Variants in TMPRSS15 observed in about 807,000 individuals in gnomAD.
The protein encoded by TMPRSS15 is enteropeptidase.
TMPRSS15 carries 128 observed loss-of-function variants against 125.3 expected under a neutral mutation model. The observed-to-expected ratio is 1.02, with a 90% CI of 0.89 to 1.18. The LOEUF (loss-of-function observed/expected upper bound fraction) is 1.18. TMPRSS15 is among the 50% of genes most tolerant of loss of function. The pLI is 0.00. For missense variants in TMPRSS15, 1,283 were observed against 1,212.7 expected (o/e 1.06, Z -0.86); for synonymous variants, 446 against 423.2 (o/e 1.05, Z -0.66).
At chr21:18,331,196 G>T (rs763078342) in intron 14 of TMPRSS15, among the ~76,000 whole-genome samples, 2 of 151,962 alleles carry the variant, frequency 1.3e-5, no homozygotes, top group Non-Finnish European at 2.9e-5. Context: ...TACAATATTG[G>T]CCCTATATGC....
chr21:18,291,643 T>G (rs1161368384), intron 21 of TMPRSS15, among the ~76,000 whole-genome samples: 1 of 152,160 alleles, frequency 6.6e-6, no homozygotes, highest in Non-Finnish European at 1.5e-5. Context: ...TAAGAGCCAG[T>G]ATTAACATAC....
intron 10 of TMPRSS15, among the ~76,000 whole-genome samples, chr21:18,344,269 G>C (rs911608615): frequency 1.3e-5 from 2 of 152,012 alleles, no homozygotes; most frequent in Admixed American, 6.6e-5. Context: ...TTAACACTGG[G>C]CCTCCCACTT....
chr21:18,277,557 G>A (rs2146861277), intron 23 of TMPRSS15, among the ~76,000 whole-genome samples: 1 of 152,308 alleles, frequency 6.6e-6, no homozygotes, highest in East Asian at 1.9e-4. Flanking sequence ...ATACTTGATG[G>A]ACAGCAGACA....
intron 1 of TMPRSS15, among the ~76,000 whole-genome samples, chr21:18,448,178 G>C (rs900526504): frequency 1.3e-5 from 2 of 151,976 alleles, no homozygotes; most frequent in Non-Finnish European, 2.9e-5. Flanking sequence ...TATTGAAACT[G>C]TTTTATTAAT....
chr21:18,286,259 C>T (rs563200349), intron 21 of TMPRSS15, among the ~76,000 whole-genome samples: 18 of 152,092 alleles, frequency 1.2e-4, no homozygotes, highest in African/African-American at 3.1e-4. Flanking sequence ...GGTCTGCCTT[C>T]GGCCTTCTCT....
At chr21:18,281,360 AT>A (rs2074696536) in intron 21 of TMPRSS15, 139 bp from the exon 22 acceptor site, 1 of 784,830 alleles carries the variant, frequency 1.3e-6, no homozygotes, top group Non-Finnish European at 2.1e-6. Flanking sequence ...TCCTTTAAAA[AT>A]ATTCTCAAAT....
intron 1 of TMPRSS15, among the ~76,000 whole-genome samples, chr21:18,414,535 A>G (rs1175310794): frequency 1.3e-5 from 2 of 152,212 alleles, no homozygotes; most frequent in Non-Finnish European, 2.9e-5. Flanking sequence ...GCCCTTGGCA[A>G]TCATTATTGT....
At chr21:18,466,357 C>A (rs1040947823) in intron 1 of TMPRSS15, among the ~76,000 whole-genome samples, 3 of 151,786 alleles carry the variant, frequency 2.0e-5, no homozygotes, top group African/African-American at 7.3e-5. Context: ...CATGGGCAAA[C>A]ACTTCATGAC....
At chr21:18,373,196 C>A (rs924902098) in intron 5 of TMPRSS15, among the ~76,000 whole-genome samples, 9 of 151,994 alleles carry the variant, frequency 5.9e-5, no homozygotes, top group Non-Finnish European at 1.0e-4. Flanking sequence ...TCTCCTTCTG[C>A]TCTATAAAAT....
chr21:18,350,020 A>G (rs1352413781), intron 10 of TMPRSS15, among the ~76,000 whole-genome samples: 7 of 152,300 alleles, frequency 4.6e-5, no homozygotes, highest in African/African-American at 1.7e-4. Context: ...GTCAATAGAT[A>G]TAAATGCTTT....
At chr21:18,327,738 T>G (rs1413059937) in intron 15 of TMPRSS15, among the ~76,000 whole-genome samples, 4 of 152,120 alleles carry the variant, frequency 2.6e-5, no homozygotes, top group Non-Finnish European at 5.9e-5. Context: ...TTTTTTTGTG[T>G]GTGGGAGGGC....
chr21:18,340,877 T>C (rs990861464), intron 13 of TMPRSS15, among the ~76,000 whole-genome samples: 2 of 152,208 alleles, frequency 1.3e-5, no homozygotes, highest in African/African-American at 4.8e-5. Context: ...GATACTAAAA[T>C]GATCATTAAT....
rs1396083837 is a variant in TMPRSS15, at chr21:18,279,177, T to G, written c.2669-118A>C. 9.1e-6 allele frequency: 6 copies of G among 658,864 alleles called. No homozygotes were observed. The Admixed American group carries it at 1.6e-4, about 17-fold the overall frequency. 40.8% of individuals were successfully genotyped at this position (658,864 alleles called of 1,614,324 possible). ...AGTTAATCTAAAAAACATGTATTTT[T>G]TTTTTTAATCCTACCTGTAAAAATT... On this transcript the variant is annotated intron_variant, in intron 22 of 24. Transcript: ENST00000284885.
At chr21:18,389,293 C>T (rs953654165) in intron 3 of TMPRSS15, among the ~76,000 whole-genome samples, 3 of 151,710 alleles carry the variant, frequency 2.0e-5, no homozygotes, top group African/African-American at 7.3e-5. Context: ...AAGATTAAAC[C>T]TTTTTGCATA....
In TMPRSS15 at chr21:18,411,214, A is replaced by C. The variant is rs568296939; in HGVS notation, c.11-12885T>G. Among the ~76,000 whole-genome samples, 10 of 152,308 alleles carry C rather than the reference A, an allele frequency of 6.6e-5. No individual in the cohort carries two copies. The East Asian group carries it at 1.9e-3, about 29-fold the overall frequency. The stretch of plus-strand genomic sequence containing the variant: ...CTTTTTGAAATATTTTAATTACTAA[A>C]AAGTGTATTTGCCATTCAAAAGGAT... On this transcript the variant is annotated intron_variant, in intron 1 of 7. Coordinates refer to the TMPRSS15 transcript ENST00000422787.
chr21:18,390,248 G>C (rs1332007009), intron 3 of TMPRSS15, among the ~76,000 whole-genome samples: 2 of 152,074 alleles, frequency 1.3e-5, no homozygotes, highest in Non-Finnish European at 2.9e-5. Flanking sequence ...AACTATTTAA[G>C]AATTCTCAAG....
At chr21:18,363,603 T>C (rs1569033999) in intron 7 of TMPRSS15, among the ~76,000 whole-genome samples, 1 of 152,182 alleles carries the variant, frequency 6.6e-6, no homozygotes, top group Non-Finnish European at 1.5e-5. Flanking sequence ...TTTAAGATTT[T>C]CTACAGCTTT....
At chr21:18,289,494 A>G (rs2074807905) in intron 21 of TMPRSS15, among the ~76,000 whole-genome samples, 1 of 152,262 alleles carries the variant, frequency 6.6e-6, no homozygotes, top group African/African-American at 2.4e-5. Flanking sequence ...CCTGGGCAAC[A>G]AGAGTGAAAC....
At chr21:18,435,808 A>C (rs893929141) in intron 1 of TMPRSS15, among the ~76,000 whole-genome samples, 5 of 152,108 alleles carry the variant, frequency 3.3e-5, no homozygotes, top group African/African-American at 9.7e-5. Context: ...ACAATTTCAT[A>C]TCCTGTTATT....
Sources: allele counts gnomAD v4.1 joint callset (sites outside exome capture counted in the v4.1 genomes callset), GRCh38; gene constraint gnomAD v4.1.1; transcripts MANE v1.5; gene names NCBI Gene and HGNC (gene_info 2026-07-23, HGNC 2026-07-21).